The following TRAPPC2L variants were observed in gnomAD, a reference collection of about 807,000 sequenced individuals.
TRAPPC2L encodes trafficking protein particle complex subunit 2-like protein.
TRAPPC2L carries 17 observed loss-of-function variants against 13.2 expected under a neutral mutation model. The observed-to-expected ratio is 1.29, with a 90% confidence interval of 0.88 to 1.93. The LOEUF (loss-of-function observed/expected upper bound fraction) is 1.93. Ranked by LOEUF, TRAPPC2L falls within the 30% of genes most tolerant of loss-of-function variation. The pLI is 0.00. For synonymous variants in TRAPPC2L, 150 were observed against 98.1 expected, an observed-to-expected ratio of 1.53 and a Z score of -3.12; for missense variants, 359 against 252.1, an observed-to-expected ratio of 1.42 and a Z score of -2.87.
At chr16:88,856,471 C>A (rs1251717680), upstream of TRAPPC2L, 5 of 700,226 alleles carry the variant, frequency 7.1e-6, 1 homozygote, top group South Asian at 7.5e-5. Flanking sequence ...GGACGCTGTC[C>A]CGGTCATGCA....
exon 4 of TRAPPC2L, chr16:88,860,061 A>G (rs1366099580): frequency 2.5e-6 from 3 of 1,210,210 alleles, no homozygotes; most frequent in African/African-American, 2.0e-5. Flanking sequence ...TTTGGAAAAT[A>G]AGGGAGGAAA....
exon 4 of TRAPPC2L, chr16:88,861,711 C>T (rs748136543): frequency 1.7e-5 from 8 of 469,160 alleles, no homozygotes; most frequent in South Asian, 4.6e-5. Context: ...TGGGGTCCAG[C>T]GGTCAAGGCT....
chr16:88,857,132 T>C, exon 1 of TRAPPC2L: 1 of 1,563,428 alleles, frequency 6.4e-7, no homozygotes, highest in South Asian at 1.2e-5. Flanking sequence ...ACGCGGTGCC[T>C]GGCGCCGAGC....
upstream of TRAPPC2L, chr16:88,856,972 G>T: frequency 7.1e-7 from 1 of 1,400,958 alleles, no homozygotes; most frequent in Non-Finnish European, 9.2e-7. Context: ...GGCCTGGACG[G>T]CCACGTGACT....
At chr16:88,857,253 C>T in intron 1 of TRAPPC2L, 70 bp downstream of exon 1, 3 of 1,379,972 alleles carry the variant, frequency 2.2e-6, no homozygotes, top group African/African-American at 1.5e-5. Context: ...TCTACTTCTT[C>T]CCTGGGCTTA....
chr16:88,859,696 T>G (rs1968236935), exon 3 of TRAPPC2L: 1 of 1,614,034 alleles, frequency 6.2e-7, no homozygotes, highest in Non-Finnish European at 8.5e-7. Context: ...AGGTGAAGTT[T>G]GTCATGGTGG....
upstream of TRAPPC2L, chr16:88,857,116 C>G (rs746390863): frequency 3.7e-5 from 56 of 1,533,146 alleles, no homozygotes; most frequent in Non-Finnish European, 4.8e-5. Flanking sequence ...AGCGGCGGGT[C>G]ACGTGACGCG....
exon 4 of TRAPPC2L, chr16:88,860,707 C>T: frequency 1.6e-6 from 1 of 624,046 alleles, no homozygotes; most frequent in Admixed American, 2.6e-5. Context: ...CCTTGGGAGG[C>T]TGCACAGGGA....
At chr16:88,856,347 C>T (rs1406019348), upstream of TRAPPC2L, 12 of 702,378 alleles carry the variant, frequency 1.7e-5, no homozygotes, top group East Asian at 2.7e-5. Context: ...GCAGCCTCTT[C>T]CTCCCTTTGG....
intron 1 of TRAPPC2L, chr16:88,857,385 T>C (rs375964295): frequency 9.6e-6 from 5 of 523,488 alleles, no homozygotes; most frequent in East Asian, 7.1e-5. Context: ...CGCTCGCCCG[T>C]CCCGCTGCTG....
chr16:88,862,529 AG>A (rs1234964983), exon 4 of TRAPPC2L: 1 of 63,722 alleles, frequency 1.6e-5, no homozygotes, highest in Non-Finnish European at 3.0e-5. Context: ...CCCTAAGGAC[AG>A]TGGAGCAGAA....
At chr16:88,862,570 G>A (rs997682568) in exon 4 of TRAPPC2L, 2 of 152,276 alleles carry the variant, frequency 1.3e-5, no homozygotes, top group African/African-American at 4.8e-5. Context: ...CTTTGCTGAC[G>A]CAGAACGCGG....
chr16:88,860,969 G>A, exon 4 of TRAPPC2L: 1 of 1,583,138 alleles, frequency 6.3e-7, no homozygotes, highest in South Asian at 1.2e-5. Context: ...AGTGAGCTGT[G>A]CTGCCAGCCA....
At position 88,858,761 on chromosome 16, in the gene TRAPPC2L, G is replaced by A. The variant is rs769355076; in HGVS notation, c.176G>A (p.Gly59Asp). The A allele has an allele frequency of 1.9e-6, 3 of 1,613,422 alleles. No homozygotes were observed. Among genetic ancestry groups the A allele is most frequent in the Non-Finnish European group, 2.5e-6 (3 of 1,179,986 alleles). The change falls in exon 2 of 4, where the codon GGC (glycine) becomes GAC (aspartate). Residue 59 changes from glycine (G) to aspartate (D), a missense_variant. By Grantham distance (94) the Gly-to-Asp change is moderately conservative. Transcript: ENST00000565504. ...GTCGACCAGAGGGAGCTGTACCTGGGCCTGCTCTACCCCACGGAGGACTAC... is the reference window on the plus strand; with the variant it reads ...GTCGACCAGAGGGAGCTGTACCTGGACCTGCTCTACCCCACGGAGGACTAC...
chr16:88,856,920 T>TAGCGAGCGTCCGCCGGCCC (rs1967952855), upstream of TRAPPC2L: 1 of 1,484,026 alleles, frequency 6.7e-7, no homozygotes, highest in South Asian at 1.3e-5. Context: ...CGAGCCGACC[T>TAGCGAGCGTCCGCCGGCCC]AGCGAGCGTC....
intron 2 of TRAPPC2L, chr16:88,859,334 T>C (rs1015439032): frequency 1.3e-5 from 9 of 670,266 alleles, no homozygotes; most frequent in Non-Finnish European, 2.5e-5. Context: ...ACGAAGCCTC[T>C]GGTTTTGCAG....
At chr16:88,856,372 G>A (rs1250999563), upstream of TRAPPC2L, 3 of 701,538 alleles carry the variant, frequency 4.3e-6, no homozygotes, top group Non-Finnish European at 7.8e-6. Flanking sequence ...GCCACGCTGC[G>A]CGCCCACCTT....
At chr16:88,856,929 T>C (rs962867799), upstream of TRAPPC2L, 2 of 1,472,260 alleles carry the variant, frequency 1.4e-6, no homozygotes, top group East Asian at 2.9e-5. Flanking sequence ...CTAGCGAGCG[T>C]CCGCCGGCCC....
rs554186746 is a variant in TRAPPC2L, at chr16:88,860,991, C to G, written c.*667C>G. On this transcript the variant is annotated 3_prime_UTR_variant, in exon 4 of 4. Coordinates refer to ENST00000565504, the Ensembl canonical transcript of TRAPPC2L. ...TGTGCTGCCAGCCATCGCAGAGGAG[C>G]CCGCGCACGACTGTGGTGGGGCCGT... 1,240 of 1,563,722 alleles carry G rather than the reference C, an allele frequency of 7.9e-4. 16 individuals are homozygous for G. The South Asian group carries it at 0.013, about 16-fold the overall frequency.
Sources: allele counts gnomAD v4.1 joint callset, GRCh38; gene constraint gnomAD v4.1.1; transcripts MANE v1.5; gene names NCBI Gene and HGNC (gene_info 2026-07-23, HGNC 2026-07-21).